The following PRKG1 variants were observed in gnomAD, a reference collection of about 807,000 sequenced individuals.
PRKG1 encodes cGMP-dependent protein kinase 1.
PRKG1 carries 35 observed loss-of-function variants against 88.1 expected under a neutral mutation model. The observed-to-expected ratio is 0.40, with a 90% CI of 0.30 to 0.53. The LOEUF (loss-of-function observed/expected upper bound fraction) is 0.53. PRKG1 is among the 20% of genes least tolerant of loss of function. PRKG1 has a pLI of 0.59. For missense variants in PRKG1, 540 were observed against 839.8 expected, an observed-to-expected ratio of 0.64 and a Z score of 4.41; for synonymous variants, 303 against 292.5, an observed-to-expected ratio of 1.04 and a Z score of -0.37.
chr10:52,096,349 A>G (rs1161910548), intron 7 of PRKG1, among the ~76,000 whole-genome samples: 1 of 152,208 alleles, frequency 6.6e-6, no homozygotes, highest in Non-Finnish European at 1.5e-5. Context: ...TCACAGCCTG[A>G]CATGGCAGCA....
chr10:51,971,636 G>C lies in PRKG1; in HGVS notation c.762+64066G>C, dbSNP rs373650454. On this transcript the variant is annotated intron_variant, in intron 5 of 17. Coordinates refer to ENST00000373980, the MANE Select transcript of PRKG1 (RefSeq NM_006258.4). Reference sequence around the variant, plus strand: ...TCAGTCTACTGTTGATAAAAATGTTGATATATCTATCTTTTGTTAATGGAT... The same window carrying C: ...TCAGTCTACTGTTGATAAAAATGTTCATATATCTATCTTTTGTTAATGGAT... 2.0e-5 allele frequency among the ~76,000 whole-genome samples: 3 copies of C among 151,980 alleles called. No homozygotes were observed. The East Asian group carries it at 5.8e-4, about 29-fold the overall frequency.
chr10:51,839,952 T>C (rs755473404), intron 4 of PRKG1, among the ~76,000 whole-genome samples: 15 of 152,202 alleles, frequency 9.9e-5, no homozygotes, highest in Non-Finnish European at 1.8e-4. Context: ...GATGCCATTT[T>C]AACTAATGGA....
At chr10:51,370,436 T>A (rs1344232172) in intron 2 of PRKG1, among the ~76,000 whole-genome samples, 2 of 150,646 alleles carry the variant, frequency 1.3e-5, no homozygotes, top group Non-Finnish European at 3.0e-5. Flanking sequence ...ATAATAATAA[T>A]AAAATAATAA....
chr10:51,140,446 T>C (rs1041067116), intron 1 of PRKG1, among the ~76,000 whole-genome samples: 17 of 152,154 alleles, frequency 1.1e-4, no homozygotes, highest in African/African-American at 3.9e-4. Flanking sequence ...CAGACTACTG[T>C]GTAAAGGCAA....
At chr10:51,541,035 G>A (rs1842287842) in intron 3 of PRKG1, among the ~76,000 whole-genome samples, 1 of 152,036 alleles carries the variant, frequency 6.6e-6, no homozygotes, top group Admixed American at 6.6e-5. Flanking sequence ...TAGTTTTTGT[G>A]TGGAGGTTTT....
intron 2 of PRKG1, among the ~76,000 whole-genome samples, chr10:51,301,955 A>G (rs923145022): frequency 8.5e-5 from 13 of 152,132 alleles, no homozygotes; most frequent in Non-Finnish European, 1.6e-4. Flanking sequence ...AATTCTTCCC[A>G]TGTATCAGCC....
chr10:51,370,412 G>C (rs183130014), intron 2 of PRKG1, among the ~76,000 whole-genome samples: 1 of 151,898 alleles, frequency 6.6e-6, no homozygotes, highest in Admixed American at 6.6e-5. Context: ...TCCTAAGGAG[G>C]CTGGAGGTTG....
At chr10:51,978,528 T>C (rs1406818551) in intron 5 of PRKG1, among the ~76,000 whole-genome samples, 3 of 151,850 alleles carry the variant, frequency 2.0e-5, no homozygotes, top group Non-Finnish European at 4.4e-5. Context: ...AGGAATAGCA[T>C]TGAATCTGTA....
intron 3 of PRKG1, among the ~76,000 whole-genome samples, chr10:51,537,524 A>T (rs1346609334): frequency 6.6e-6 from 1 of 151,988 alleles, no homozygotes; most frequent in Non-Finnish European, 1.5e-5. Context: ...CAAGATCAGG[A>T]GTTGGAGACC....
At chr10:51,425,000 C>T (rs1050352399) in intron 2 of PRKG1, among the ~76,000 whole-genome samples, 5 of 151,994 alleles carry the variant, frequency 3.3e-5, no homozygotes, top group African/African-American at 9.7e-5. Context: ...ATACAGCCCT[C>T]CCTCCTTCCT....
At chr10:51,993,082 T>C (rs1239945277) in intron 5 of PRKG1, among the ~76,000 whole-genome samples, 3 of 152,214 alleles carry the variant, frequency 2.0e-5, no homozygotes, top group Non-Finnish European at 4.4e-5. Context: ...TAAACTGTTC[T>C]TATAATTACT....
chr10:52,091,063 G>A (rs1205614444), intron 7 of PRKG1, among the ~76,000 whole-genome samples: 1 of 152,044 alleles, frequency 6.6e-6, no homozygotes, highest in Non-Finnish European at 1.5e-5. Context: ...AGTCTCAGTG[G>A]GCTTGGCTGA....
At chr10:52,155,732 G>GCCACACACACACAC (rs3220860) in intron 8 of PRKG1, among the ~76,000 whole-genome samples, 2,854 of 147,874 alleles carry the variant, frequency 0.019, 37 homozygotes, top group African/African-American at 0.036. Flanking sequence ...ATTGCCATTG[G>GCCACACACACACAC]ACACACACAC....
At chr10:51,615,670 T>A (rs1407637868) in intron 3 of PRKG1, among the ~76,000 whole-genome samples, 1 of 151,668 alleles carries the variant, frequency 6.6e-6, no homozygotes, top group Non-Finnish European at 1.5e-5. Flanking sequence ...CTTTTTTTTT[T>A]AATGATGCTT....
At chr10:51,082,404 CT>C (rs1844135181) in intron 1 of PRKG1, among the ~76,000 whole-genome samples, 1 of 152,184 alleles carries the variant, frequency 6.6e-6, no homozygotes, top group Non-Finnish European at 1.5e-5. Context: ...CCAAACTTTC[CT>C]GCGCATTAGA....
At chr10:51,469,083 A>G (rs900928122) in intron 3 of PRKG1, among the ~76,000 whole-genome samples, 2 of 151,830 alleles carry the variant, frequency 1.3e-5, no homozygotes, top group East Asian at 1.9e-4. Context: ...ATTCAATTAC[A>G]TAGCTCAAAG....
At chr10:52,013,512 T>A (rs1309703776) in intron 5 of PRKG1, among the ~76,000 whole-genome samples, 1 of 152,110 alleles carries the variant, frequency 6.6e-6, no homozygotes, top group Non-Finnish European at 1.5e-5. Context: ...ATTTTTGCTG[T>A]CTCTTGAATG....
chr10:52,006,956 T>C (rs546325047), intron 5 of PRKG1, among the ~76,000 whole-genome samples: 90 of 152,268 alleles, frequency 5.9e-4, no homozygotes, highest in Middle Eastern at 3.4e-3. Flanking sequence ...CCAGAAGACA[T>C]TGGGGACATG....
chr10:51,866,845 T>C lies in PRKG1; in HGVS notation c.699-40662T>C, dbSNP rs149152261. Among the ~76,000 whole-genome samples the C allele has an allele frequency of 1.2e-4, 19 of 152,320 alleles. No homozygotes were observed. In the East Asian group the frequency reaches 1.5e-3, roughly 12 times the overall value. ...CTTTATACTACCAGGAAATGTGCTT[T>C]GATACAGGTTTACAAAGATGGAGTA... On this transcript the variant is annotated intron_variant, in intron 4 of 17. Coordinates refer to ENST00000373980, the MANE Select transcript of PRKG1 (RefSeq NM_006258.4).
Sources: allele counts gnomAD v4.1 joint callset (sites outside exome capture counted in the v4.1 genomes callset), GRCh38; gene constraint gnomAD v4.1.1; transcripts MANE v1.5; gene names NCBI Gene and HGNC (gene_info 2026-07-23, HGNC 2026-07-21).